Variants in ITGA11 observed in about 807,000 individuals in gnomAD.
ITGA11 encodes the protein integrin alpha-11.
A neutral mutation model predicts 141.9 loss-of-function variants in ITGA11; 97 were observed. The ratio of observed to expected loss-of-function variants is 0.68; its 90% CI spans 0.58 to 0.81. ITGA11 has a LOEUF of 0.81. ITGA11 is among the 30% of genes least tolerant of loss of function. The pLI is 0.00. For synonymous variants in ITGA11, 658 were observed against 624.6 expected (o/e 1.05, Z -0.80); for missense variants, 1,387 against 1,559.2 (o/e 0.89, Z 1.86).
chr15:68,397,706 A>C, intron 2 of ITGA11, among the ~76,000 whole-genome samples: 1 of 58,538 alleles, frequency 1.7e-5, no homozygotes, highest in South Asian at 4.5e-4. Context: ...TATATTTAAA[A>C]TATTATATTT....
chr15:68,431,939 TG>T, intron 1 of ITGA11, 75 bp downstream of exon 1: 1 of 1,079,344 alleles, frequency 9.3e-7, no homozygotes, highest in Non-Finnish European at 1.2e-6. Context: ...GTCCCGATCC[TG>T]GCCGCTGGAT....
At position 68,296,622 on chromosome 15, in the gene ITGA11, T is replaced by TGTG. The variant is rs1461868069; in HGVS notation, c.*6436_*6437insCAC. ...GTGTTTGCTTTGGGGTTGTGTGTGT[T>TGTG]TTTTTTCTACTTGTTAGAAGTTCCT... is the stretch of plus-strand genomic sequence containing the variant. On this transcript the variant is annotated 3_prime_UTR_variant, in exon 30 of 30. Transcript: ENST00000315757. 59 of 149,926 alleles carry TGTG rather than the reference T, an allele frequency of 3.9e-4. No individual in the cohort carries two copies. The highest frequency in any genetic ancestry group is 1.3e-3 in the African/African-American group (52 of 39,346). The allele number at this position is 149,926 out of a possible 1,614,324, so 9.3% of individuals were successfully genotyped here. A position where few individuals can be genotyped will look rare whatever the true frequency, so the allele number is the denominator to read the frequency against.
intron 7 of ITGA11, among the ~76,000 whole-genome samples, chr15:68,351,940 G>A (rs376678948): frequency 1.5e-4 from 23 of 152,024 alleles, no homozygotes; most frequent in Admixed American, 8.5e-4. Flanking sequence ...AAAATTAGCC[G>A]GGTGTGTTGG....
At position 68,326,894 on chromosome 15, in the gene ITGA11, G is replaced by A. The variant is rs1262493064; in HGVS notation, c.2069-98C>T. On this transcript the variant is annotated intron_variant, in intron 16 of 29. Transcript: ENST00000315757. This position sits in a 1 kb window ranked among gnomAD's most constrained non-coding sequence, Gnocchi z 6.8. Reference sequence around the variant, plus strand: ...GAAGCCCCCCAGGCTGGCCAGGGGAGAGCTGTTCCTTTCCTCTCACGAGCC... The same window carrying A: ...GAAGCCCCCCAGGCTGGCCAGGGGAAAGCTGTTCCTTTCCTCTCACGAGCC... The A allele has an allele frequency of 1.1e-5, 14 of 1,325,816 alleles. No homozygotes were observed. In the Admixed American group the frequency reaches 3.7e-4, roughly 35 times the overall value. 82.1% of individuals were successfully genotyped at this position (1,325,816 alleles called of 1,614,324 possible). A position where few individuals can be genotyped will look rare whatever the true frequency, so the allele number is the denominator to read the frequency against.
intron 2 of ITGA11, among the ~76,000 whole-genome samples, chr15:68,401,835 T>C (rs1207605656): frequency 2.0e-5 from 3 of 152,170 alleles, no homozygotes; most frequent in Non-Finnish European, 4.4e-5. Context: ...GTTGTATGTA[T>C]GTTATACCTC....
rs1893085983 is a variant in ITGA11, at chr15:68,303,201, A to G, written c.3496-71T>C. 5 of 1,331,318 alleles carry G rather than the reference A, an allele frequency of 3.8e-6. No individual in the cohort carries two copies. In the South Asian group the frequency reaches 3.8e-5, roughly 10 times the overall value. The allele number at this position is 1,331,318 out of a possible 1,614,324, so 82.5% of individuals were successfully genotyped here. ...CAAGGCCTGCCCCAGCTTTCCCTCC[A>G]CTACCTTTCCTTGGGATTCCTCCCT... On this transcript the variant is annotated intron_variant, in intron 29 of 29. Coordinates refer to ENST00000315757, the MANE Select transcript of ITGA11 (RefSeq NM_001004439.2). This position sits in a 1 kb window ranked among gnomAD's most constrained non-coding sequence, Gnocchi z 5.3.
At position 68,332,023 on chromosome 15, in the gene ITGA11, T is replaced by A; in HGVS notation, c.1606A>T (p.Ser536Cys). The A allele has an allele frequency of 6.2e-7, 1 of 1,610,702 alleles. No individual in the cohort carries two copies. The highest frequency in any genetic ancestry group is 8.5e-7 in the Non-Finnish European group (1 of 1,178,480). ...VYNGTLKDSH[S>C]YQNARFGSSI... ...GACCCAAATCGGGCATTCTGGTAAC[T>A]GTGTGAATCCTTTAGCGTTCCGTTA... The change falls in exon 14 of 30, where the codon AGT (serine) becomes TGT (cysteine). Residue 536 changes from serine to cysteine, a missense_variant. Coordinates refer to ENST00000315757, the MANE Select transcript of ITGA11 (RefSeq NM_001004439.2).
At chr15:68,357,074 G>T in intron 7 of ITGA11, 77 bp downstream of exon 7, 1 of 1,317,942 alleles carries the variant, frequency 7.6e-7, no homozygotes, top group Non-Finnish European at 1.0e-6. Context: ...TTTTGTGGTA[G>T]TGTGTTACAA....
chr15:68,407,772 C>T (rs777914600), intron 1 of ITGA11, among the ~76,000 whole-genome samples: 2 of 152,160 alleles, frequency 1.3e-5, no homozygotes, highest in African/African-American at 4.8e-5. Context: ...CAAGAAGGGA[C>T]GGAAACCACA....
At chr15:68,327,671 C>T (rs950208788) in intron 16 of ITGA11, among the ~76,000 whole-genome samples, 1 of 152,110 alleles carries the variant, frequency 6.6e-6, no homozygotes, top group African/African-American at 2.4e-5. Flanking sequence ...TGGACTCACA[C>T]CCACTTCTGA....
At chr15:68,346,352 C>G (rs139057613) in intron 10 of ITGA11, among the ~76,000 whole-genome samples, 69 of 152,326 alleles carry the variant, frequency 4.5e-4, no homozygotes, top group African/African-American at 1.5e-3. Context: ...TTTCAAGGCT[C>G]AGCTCAAGCT....
At chr15:68,422,377 C>A (rs1189890392) in intron 1 of ITGA11, among the ~76,000 whole-genome samples, 1 of 152,106 alleles carries the variant, frequency 6.6e-6, no homozygotes, top group East Asian at 1.9e-4. Flanking sequence ...TCCCAGACAC[C>A]TTTCCTTCTC....
intron 5 of ITGA11, among the ~76,000 whole-genome samples, chr15:68,359,642 C>T (rs1039293976): frequency 1.3e-5 from 2 of 151,376 alleles, no homozygotes; most frequent in East Asian, 3.9e-4. Flanking sequence ...TGAGACTCTG[C>T]CTCAAAAACA....
intron 10 of ITGA11, among the ~76,000 whole-genome samples, chr15:68,344,225 C>G (rs562495531): frequency 6.6e-6 from 1 of 152,166 alleles, no homozygotes; most frequent in East Asian, 1.9e-4. Flanking sequence ...GGGAGAGGGC[C>G]AGGAGACCAT....
At position 68,348,876 on chromosome 15, in the gene ITGA11, AAGG is replaced by A. The variant is rs1333785445; in HGVS notation, c.1082_1084del (p.Ser361del). On this transcript the variant is annotated inframe_deletion, in exon 10 of 30. Transcript: ENST00000315757. Reference sequence around the variant, plus strand: ...GCCCGTCTGTGACATCTCCAGCCCAAAGGAGGTCTCGTTCTTGTTGGTGCCTGC... The same window carrying A: ...GCCCGTCTGTGACATCTCCAGCCCAAAGGTCTCGTTCTTGTTGGTGCCTGC... 1 of 1,609,146 alleles carries A rather than the reference AAGG, an allele frequency of 6.2e-7. No individual in the cohort carries two copies. Among genetic ancestry groups the A allele is most frequent in the Non-Finnish European group, 8.5e-7 (1 of 1,177,798 alleles).
intron 26 of ITGA11, among the ~76,000 whole-genome samples, chr15:68,310,647 C>T (rs923817354): frequency 6.6e-6 from 1 of 152,190 alleles, no homozygotes; most frequent in South Asian, 2.1e-4. Flanking sequence ...CTGTTTTCTT[C>T]CCCTTCCCTC....
Position 68,298,352 on chromosome 15 carries a change from T to A in ITGA11, c.*4707A>T, listed in dbSNP as rs774064506. On this transcript the variant is annotated 3_prime_UTR_variant, in exon 30 of 30. Transcript: ENST00000315757. Reference sequence around the variant, plus strand: ...TAATCAATGGCAAGATACTCTTGCATGTTGGCGCTTATTGAACACCTACTG... The same window carrying A: ...TAATCAATGGCAAGATACTCTTGCAAGTTGGCGCTTATTGAACACCTACTG... 2 of 152,220 alleles carry A rather than the reference T, an allele frequency of 1.3e-5. No homozygotes were observed. The highest frequency in any genetic ancestry group is 2.9e-5 in the Non-Finnish European group (2 of 68,044). 9.4% of individuals were successfully genotyped at this position (152,220 alleles called of 1,614,324 possible).
At chr15:68,365,273 T>C (rs1165523469) in intron 3 of ITGA11, 1 of 985,398 alleles carries the variant, frequency 1.0e-6, no homozygotes. Context: ...ACAATCAACA[T>C]GTGACAGCTG....
At chr15:68,431,980 C>T (rs773709292) in intron 1 of ITGA11, 35 bp downstream of exon 1, 4 of 1,285,040 alleles carry the variant, frequency 3.1e-6, no homozygotes, top group Admixed American at 4.2e-5. Flanking sequence ...GGAGGGACTC[C>T]GAGAGGCAAG....
Sources: gnomAD v4.1 joint callset for allele counts (sites outside exome capture counted in the v4.1 genomes callset) on GRCh38, gnomAD v4.1.1 for gene constraint, Gnocchi (gnomAD v3.1) non-coding constraint, MANE v1.5 for transcripts, NCBI Gene and HGNC (gene_info 2026-07-23, HGNC 2026-07-21) for gene names.